The following CDH13 variants were observed in gnomAD, a reference collection of about 807,000 sequenced individuals.
The protein encoded by CDH13 is cadherin 13, also known as cadherin-13.
Under a neutral mutation model 63.8 loss-of-function variants are expected in CDH13, and 24 were observed. That is an observed-to-expected ratio of 0.38 (90% confidence interval 0.27 to 0.53). CDH13 has a LOEUF of 0.53. Ranked by LOEUF, CDH13 falls within the 20% of genes least tolerant of loss-of-function variation. The pLI is 0.85. For synonymous variants in CDH13, 503 were observed against 355.3 expected (o/e 1.42, Z -4.67); for missense variants, 1,049 against 903.1 (o/e 1.16, Z -2.07).
At chr16:83,633,554 AG>A (rs1910970613) in intron 8 of CDH13, among the ~76,000 whole-genome samples, 1 of 152,178 alleles carries the variant, frequency 6.6e-6, no homozygotes, top group Admixed American at 6.5e-5. Context: ...TTTTCTAATA[AG>A]GGTTTTTTTC....
chr16:83,050,516 A>G lies in CDH13; in HGVS notation c.366+18298A>G, dbSNP rs192847627. 3.3e-5 allele frequency among the ~76,000 whole-genome samples: 5 copies of G among 152,028 alleles called. No individual in the cohort carries two copies. In the East Asian group the frequency reaches 9.7e-4, roughly 29 times the overall value. On this transcript the variant is annotated intron_variant, in intron 3 of 13. Coordinates refer to ENST00000567109, the MANE Select transcript of CDH13 (RefSeq NM_001257.5). ...AGAAACCCATATATTTTCTTCCTCTAGTTCTTCTTCTTATTCCTCCTGCCA... is the reference window on the plus strand; with the variant it reads ...AGAAACCCATATATTTTCTTCCTCTGGTTCTTCTTCTTATTCCTCCTGCCA...
chr16:83,327,886 A>T (rs2090399231), intron 5 of CDH13, among the ~76,000 whole-genome samples: 1 of 152,264 alleles, frequency 6.6e-6, no homozygotes, highest in Non-Finnish European at 1.5e-5. Context: ...TAATCCCAGC[A>T]CTTTGGGAGT....
intron 7 of CDH13, among the ~76,000 whole-genome samples, chr16:83,507,919 C>G (rs1482170589): frequency 1.3e-5 from 2 of 151,518 alleles, no homozygotes; most frequent in East Asian, 3.9e-4. Context: ...GTAATTCCAG[C>G]TACTCAGGAG....
At chr16:83,360,927 G>A (rs1198835107) in intron 6 of CDH13, among the ~76,000 whole-genome samples, 5 of 152,182 alleles carry the variant, frequency 3.3e-5, no homozygotes, top group African/African-American at 1.2e-4. Flanking sequence ...GAGTGCATGT[G>A]TCTTTTTGGT....
At chr16:83,056,737 A>G (rs1373204430) in intron 3 of CDH13, among the ~76,000 whole-genome samples, 1 of 152,174 alleles carries the variant, frequency 6.6e-6, no homozygotes, top group Non-Finnish European at 1.5e-5. Flanking sequence ...GGAGGGATCC[A>G]GTGGCAGGTA....
intron 4 of CDH13, among the ~76,000 whole-genome samples, chr16:83,159,563 A>C (rs2037357308): frequency 6.6e-6 from 1 of 152,186 alleles, no homozygotes; most frequent in Non-Finnish European, 1.5e-5. Flanking sequence ...TCTCCTCTGA[A>C]ATTTTGAGCA....
intron 1 of CDH13, among the ~76,000 whole-genome samples, chr16:82,790,224 T>C (rs6565067): frequency 0.79 from 119,896 of 152,050 alleles, 47,407 homozygotes; most frequent in Non-Finnish European, 0.82. Flanking sequence ...ATCATGAGGT[T>C]AGGAGTTCAA....
chr16:82,652,792 C>G (rs1046115723), intron 1 of CDH13, among the ~76,000 whole-genome samples: 29 of 148,482 alleles, frequency 2.0e-4, no homozygotes, highest in African/African-American at 5.7e-4. Flanking sequence ...GACCTATGGT[C>G]TTTTGTGAGT....
intron 7 of CDH13, among the ~76,000 whole-genome samples, chr16:83,506,659 CT>C (rs1312179990): frequency 1.3e-5 from 2 of 152,326 alleles, no homozygotes; most frequent in Middle Eastern, 3.4e-3. Context: ...ATAGGAATGA[CT>C]TGTGTAGCCA....
chr16:83,452,085 C>T (rs1045026595), intron 6 of CDH13, among the ~76,000 whole-genome samples: 65 of 152,114 alleles, frequency 4.3e-4, no homozygotes, highest in African/African-American at 1.4e-3. Context: ...CACTCCCCAC[C>T]GCCTGAGATT....
chr16:83,204,094 C>T (rs963244642), intron 4 of CDH13, among the ~76,000 whole-genome samples: 1 of 152,226 alleles, frequency 6.6e-6, no homozygotes, highest in African/African-American at 2.4e-5. Context: ...TGTTCCTGGG[C>T]CATGAATGGC....
chr16:83,356,128 A>T (rs886298636), intron 6 of CDH13, among the ~76,000 whole-genome samples: 4 of 151,970 alleles, frequency 2.6e-5, no homozygotes, highest in South Asian at 2.1e-4. Flanking sequence ...TTCACCCGTG[A>T]TGATGTTGCA....
At chr16:83,538,086 G>C (rs1378980653) in intron 7 of CDH13, among the ~76,000 whole-genome samples, 2 of 152,034 alleles carry the variant, frequency 1.3e-5, no homozygotes, top group Non-Finnish European at 2.9e-5. Flanking sequence ...CTATGTTTTT[G>C]CCAGACACTT....
intron 2 of CDH13, among the ~76,000 whole-genome samples, chr16:82,862,739 T>A (rs1360414068): frequency 6.6e-6 from 1 of 152,228 alleles, no homozygotes; most frequent in Non-Finnish European, 1.5e-5. Flanking sequence ...TAGGCCATGG[T>A]GTCAAACAAC....
chr16:83,081,381 C>G (rs956570119), intron 3 of CDH13, among the ~76,000 whole-genome samples: 19 of 152,130 alleles, frequency 1.2e-4, no homozygotes, highest in African/African-American at 4.6e-4. Context: ...CACAGCTATG[C>G]TAATAGGGGT....
At chr16:82,899,382 C>T (rs148863999) in intron 2 of CDH13, among the ~76,000 whole-genome samples, 169 of 152,212 alleles carry the variant, frequency 1.1e-3, no homozygotes, top group Non-Finnish European at 1.9e-3. Context: ...CAATGGTTTA[C>T]GCAAAAGCCA....
intron 6 of CDH13, among the ~76,000 whole-genome samples, chr16:83,373,101 T>A (rs2091401741): frequency 6.6e-6 from 1 of 152,126 alleles, no homozygotes; most frequent in Admixed American, 6.6e-5. Flanking sequence ...AAAGCCAGAG[T>A]TTGGGCATAT....
At chr16:83,534,037 G>T (rs1306155541) in intron 7 of CDH13, among the ~76,000 whole-genome samples, 1 of 152,138 alleles carries the variant, frequency 6.6e-6, no homozygotes, top group Non-Finnish European at 1.5e-5. Context: ...CCATTTAGTG[G>T]ATGGACAGTG....
chr16:82,918,549 C>A (rs988871025), intron 2 of CDH13, among the ~76,000 whole-genome samples: 4 of 149,018 alleles, frequency 2.7e-5, no homozygotes, highest in African/African-American at 9.9e-5. Flanking sequence ...CACTCTGTCA[C>A]CCAGGCTGGA....
Sources: allele counts gnomAD v4.1 joint callset (sites outside exome capture counted in the v4.1 genomes callset), GRCh38; gene constraint gnomAD v4.1.1; transcripts MANE v1.5; gene names NCBI Gene and HGNC (gene_info 2026-07-23, HGNC 2026-07-21).